The following GNG2 variants were observed in gnomAD, a reference collection of about 807,000 sequenced individuals.
GNG2 encodes G protein subunit gamma 2, also known as guanine nucleotide-binding protein G(I)/G(S)/G(O) subunit gamma-2.
In GNG2, 5 loss-of-function variants were observed where a neutral mutation model predicts 5.5. The observed-to-expected ratio is 0.91, with a 90% CI of 0.48 to 1.92. The LOEUF is 1.92. Ranked by LOEUF, GNG2 falls within the 30% of genes most tolerant of loss-of-function variation. The pLI is 0.01. For missense variants in GNG2, 55 were observed against 88.4 expected (o/e 0.62, Z 1.52); for synonymous variants, 28 against 32.0 (o/e 0.88, Z 0.42).
intron 2 of GNG2, among the ~76,000 whole-genome samples, chr14:51,926,362 A>G (rs1473603866): frequency 6.6e-6 from 1 of 152,250 alleles, no homozygotes; most frequent in Non-Finnish European, 1.5e-5. Context: ...CCTTCTAAAC[A>G]AGTCATAGAA....
At chr14:51,908,565 T>TCTATCTATCC (rs770383098) in intron 2 of GNG2, among the ~76,000 whole-genome samples, 7 of 125,200 alleles carry the variant, frequency 5.6e-5, no homozygotes, top group Non-Finnish European at 9.4e-5. Context: ...TATCTATCCA[T>TCTATCTATCC]ATATATAGAG....
At chr14:51,847,881 CTTTTTTTTTTTTTTTTT>C (rs540204195) in intron 2 of GNG2, among the ~76,000 whole-genome samples, 1 of 48,138 alleles carries the variant, frequency 2.1e-5, no homozygotes, top group Non-Finnish European at 4.7e-5. Context: ...GGTCCTTTTT[CTTTTTTTTTTTTTTTTT>C]TTTTTTTTTT....
chr14:51,927,662 C>T (rs2140238061), intron 2 of GNG2, among the ~76,000 whole-genome samples: 1 of 152,328 alleles, frequency 6.6e-6, no homozygotes, highest in South Asian at 2.1e-4. Flanking sequence ...GCTCCAAGCA[C>T]TGCCTGGTAC....
At chr14:51,890,285 A>C (rs1328594654) in intron 2 of GNG2, among the ~76,000 whole-genome samples, 1 of 152,188 alleles carries the variant, frequency 6.6e-6, no homozygotes, top group Non-Finnish European at 1.5e-5. Context: ...TTCCCAACAA[A>C]TCAGTGTTTC....
intron 3 of GNG2, among the ~76,000 whole-genome samples, chr14:51,965,870 T>G (rs2140310251): frequency 6.6e-6 from 1 of 152,170 alleles, no homozygotes; most frequent in East Asian, 1.9e-4. Flanking sequence ...TAACCCTTGT[T>G]ACCAGGGCTG....
At chr14:51,853,454 A>G (rs1245251902) in intron 2 of GNG2, among the ~76,000 whole-genome samples, 1 of 152,220 alleles carries the variant, frequency 6.6e-6, no homozygotes, top group Admixed American at 6.5e-5. Context: ...GAATAGAGCC[A>G]GAGGAGCCAA....
upstream of GNG2, among the ~76,000 whole-genome samples, chr14:51,857,372 G>A (rs753357184): frequency 1.3e-5 from 2 of 152,338 alleles, no homozygotes; most frequent in African/African-American, 4.8e-5. Context: ...TGTTGTGAAG[G>A]TTGTAGGATA....
intron 2 of GNG2, among the ~76,000 whole-genome samples, chr14:51,839,686 C>T (rs1223772392): frequency 2.6e-5 from 4 of 152,092 alleles, no homozygotes; most frequent in Non-Finnish European, 5.9e-5. Context: ...ATATCTTGAT[C>T]GTGGTGGTGG....
intron 2 of GNG2, among the ~76,000 whole-genome samples, chr14:51,946,611 G>T (rs900621933): frequency 2.6e-5 from 4 of 152,092 alleles, no homozygotes; most frequent in Non-Finnish European, 5.9e-5. Flanking sequence ...TCCAGTTGCG[G>T]TCATCTTCCT....
intron 2 of GNG2, among the ~76,000 whole-genome samples, chr14:51,893,236 T>C (rs1884978254): frequency 6.6e-6 from 1 of 152,184 alleles, no homozygotes; most frequent in South Asian, 2.1e-4. Flanking sequence ...CATTAGTAAA[T>C]ATGAGCCTGC....
chr14:51,899,359 A>G (rs1012247981), intron 2 of GNG2, among the ~76,000 whole-genome samples: 2 of 152,204 alleles, frequency 1.3e-5, no homozygotes, highest in Non-Finnish European at 2.9e-5. Flanking sequence ...ATGGAACTGA[A>G]GTAATAATAG....
intron 1 of GNG2, among the ~76,000 whole-genome samples, chr14:51,871,583 A>G (rs1883300900): frequency 6.6e-6 from 1 of 152,226 alleles, no homozygotes; most frequent in South Asian, 2.1e-4. Context: ...TAAATGTGAA[A>G]TGTTTATTTA....
chr14:51,834,236 G>A (rs576099435), intron 2 of GNG2, among the ~76,000 whole-genome samples: 2 of 152,344 alleles, frequency 1.3e-5, no homozygotes, highest in South Asian at 2.1e-4. Flanking sequence ...TAACTAGTGC[G>A]ATGCAAACGC....
intron 2 of GNG2, chr14:51,916,618 A>G (rs755891636): frequency 2.5e-6 from 1 of 397,006 alleles, no homozygotes; most frequent in Non-Finnish European, 4.9e-6. Flanking sequence ...GGAAGCCAGA[A>G]GTAGAAGAAG....
chr14:51,862,752 A>T (rs1320988205), intron 1 of GNG2, among the ~76,000 whole-genome samples: 1 of 152,266 alleles, frequency 6.6e-6, no homozygotes, highest in Non-Finnish European at 1.5e-5. Flanking sequence ...TGCACAGCAC[A>T]AAACATTTCT....
At chr14:51,859,013 C>G (rs952836165), upstream of GNG2, among the ~76,000 whole-genome samples, 5 of 152,190 alleles carry the variant, frequency 3.3e-5, no homozygotes, top group Non-Finnish European at 5.9e-5. Context: ...TCTAGGTTAA[C>G]GTGCTGTGGT....
chr14:51,886,263 G>C (rs1443104600), intron 2 of GNG2, among the ~76,000 whole-genome samples: 2 of 152,170 alleles, frequency 1.3e-5, no homozygotes, highest in Admixed American at 6.5e-5. Flanking sequence ...CACATTCACT[G>C]TTCTCATAAG....
At chr14:51,829,928 C>A (rs775638933) in intron 2 of GNG2, among the ~76,000 whole-genome samples, 3 of 151,710 alleles carry the variant, frequency 2.0e-5, no homozygotes, top group Non-Finnish European at 2.9e-5. Flanking sequence ...CTGCAACTTC[C>A]GCCTCCTGGG....
chr14:51,948,070 GC>G (rs1888743075), intron 2 of GNG2, among the ~76,000 whole-genome samples: 1 of 152,204 alleles, frequency 6.6e-6, no homozygotes, highest in Non-Finnish European at 1.5e-5. Flanking sequence ...TGCCTCCCAG[GC>G]CAGTAGCAGG....
Sources: allele counts gnomAD v4.1 joint callset (sites outside exome capture counted in the v4.1 genomes callset), GRCh38; gene constraint gnomAD v4.1.1; transcripts MANE v1.5; gene names NCBI Gene and HGNC (gene_info 2026-07-23, HGNC 2026-07-21).